The following BCL7B variants were observed in gnomAD, a reference collection of about 807,000 sequenced individuals.
BCL7B encodes the protein BAF chromatin remodeling complex subunit BCL7B, also known as B-cell CLL/lymphoma 7 protein family member B.
BCL7B carries 11 observed loss-of-function variants against 26.5 expected under a neutral mutation model. The ratio of observed to expected loss-of-function variants is 0.42; its 90% CI spans 0.26 to 0.69. BCL7B has a LOEUF of 0.69. Ranked by LOEUF, BCL7B falls within the 30% of genes least tolerant of loss-of-function variation. BCL7B has a pLI of 0.28. For synonymous variants in BCL7B, 111 were observed against 107.9 expected (o/e 1.03, Z -0.18); for missense variants, 215 against 264.4 (o/e 0.81, Z 1.30).
intron 4 of BCL7B, among the ~76,000 whole-genome samples, chr7:73,538,999 C>T (rs1332507337): frequency 2.0e-5 from 3 of 151,930 alleles, no homozygotes; most frequent in Non-Finnish European, 4.4e-5. Flanking sequence ...CTAGCTCTGT[C>T]GCCAGGCTGG....
intron 1 of BCL7B, 58 bp from the exon 2 acceptor site, chr7:73,552,300 C>T (rs1792204756): frequency 7.1e-7 from 1 of 1,413,998 alleles, no homozygotes; most frequent in African/African-American, 1.4e-5. Flanking sequence ...TTCTGTTCAT[C>T]ACTTGTGTTT....
chr7:73,556,593 C>A (rs540627941), intron 1 of BCL7B, among the ~76,000 whole-genome samples: 116 of 152,186 alleles, frequency 7.6e-4, no homozygotes, highest in Middle Eastern at 3.4e-3. Context: ...TATCGGAGTT[C>A]CGGATACTAA....
At chr7:73,543,929 C>T in intron 2 of BCL7B, 1 of 256,720 alleles carries the variant, frequency 3.9e-6, no homozygotes, top group East Asian at 8.8e-5. Flanking sequence ...CTCTCCTGCC[C>T]TGATCAAATT....
chr7:73,557,259 A>G, intron 1 of BCL7B: 2 of 1,116,700 alleles, frequency 1.8e-6, no homozygotes, highest in South Asian at 4.4e-5. Flanking sequence ...GGCGCGCGGC[A>G]GCAGCCGCAG....
intron 3 of BCL7B, among the ~76,000 whole-genome samples, chr7:73,541,686 C>T (rs1198678656): frequency 3.9e-5 from 6 of 152,054 alleles, no homozygotes; most frequent in African/African-American, 1.2e-4. Context: ...AGGCTGGTCT[C>T]GAACTCCTGA....
chr7:73,554,952 C>CTGTG (rs757272332), intron 1 of BCL7B, among the ~76,000 whole-genome samples: 4 of 152,130 alleles, frequency 2.6e-5, no homozygotes, highest in Admixed American at 6.6e-5. Context: ...ATACAACAGG[C>CTGTG]TGTGCTAGGC....
intron 2 of BCL7B, among the ~76,000 whole-genome samples, chr7:73,544,619 C>T (rs1429965062): frequency 6.6e-6 from 1 of 152,012 alleles, no homozygotes; most frequent in Non-Finnish European, 1.5e-5. Context: ...GAGCGAAACT[C>T]CATCTCAAAA....
intron 2 of BCL7B, among the ~76,000 whole-genome samples, chr7:73,549,969 C>T (rs1554583923): frequency 1.3e-5 from 2 of 152,188 alleles, no homozygotes; most frequent in African/African-American, 4.8e-5. Flanking sequence ...GCAGAGAGGT[C>T]TGCTGGGGTC....
intron 2 of BCL7B, among the ~76,000 whole-genome samples, chr7:73,545,603 T>C (rs782421647): frequency 3.3e-5 from 5 of 152,094 alleles, no homozygotes; most frequent in Non-Finnish European, 7.4e-5. Flanking sequence ...CTTTGACCCC[T>C]GTGGGTAATG....
In BCL7B at chr7:73,557,590, G is replaced by T. The variant is rs1792425500; in HGVS notation, c.-12C>A. The T allele has an allele frequency of 3.9e-6, 5 of 1,291,348 alleles. No individual in the cohort carries two copies. The highest frequency in any genetic ancestry group is 5.0e-6 in the Non-Finnish European group (5 of 1,005,726). 80.0% of individuals were successfully genotyped at this position (1,291,348 alleles called of 1,614,324 possible). On this transcript the variant is annotated 5_prime_UTR_variant, in exon 1 of 6. Transcript: ENST00000223368. ...GACCGGCCCGACATGGCGGCGGCGG[G>T]AGCGGCGGGGGCCGGGGCACTGCTC...
intron 2 of BCL7B, chr7:73,543,942 G>A (rs570602460): frequency 3.6e-5 from 8 of 223,110 alleles, no homozygotes; most frequent in East Asian, 3.2e-4. Context: ...ATCAAATTGC[G>A]CCAGGCAACC....
chr7:73,552,721 C>A (rs1792223159), intron 1 of BCL7B, among the ~76,000 whole-genome samples: 1 of 151,228 alleles, frequency 6.6e-6, no homozygotes, highest in Non-Finnish European at 1.5e-5. Flanking sequence ...GCAGAGGTTG[C>A]AGTAAACTGA....
intron 1 of BCL7B, among the ~76,000 whole-genome samples, chr7:73,554,977 G>A (rs1792309251): frequency 6.6e-6 from 1 of 152,050 alleles, no homozygotes; most frequent in African/African-American, 2.4e-5. Flanking sequence ...GTGATGCAGG[G>A]AACAAGATCC....
At chr7:73,546,155 A>G (rs1791949464) in intron 2 of BCL7B, among the ~76,000 whole-genome samples, 1 of 151,138 alleles carries the variant, frequency 6.6e-6, no homozygotes, top group African/African-American at 2.4e-5. Context: ...AAAAAGAAAG[A>G]AAAACTACGG....
chr7:73,554,595 C>T (rs888425035), intron 1 of BCL7B, among the ~76,000 whole-genome samples: 3 of 151,534 alleles, frequency 2.0e-5, no homozygotes, highest in Non-Finnish European at 4.4e-5. Flanking sequence ...CCCAGGAGTT[C>T]GAGACCAGCC....
intron 2 of BCL7B, among the ~76,000 whole-genome samples, 195 bp downstream of exon 2, chr7:73,551,972 T>C (rs1792190144): frequency 6.6e-6 from 1 of 151,646 alleles, no homozygotes; most frequent in South Asian, 2.1e-4. Flanking sequence ...CAGATGCCTG[T>C]AACCCCAGCT....
intron 1 of BCL7B, 144 bp downstream of exon 1, chr7:73,557,343 C>G (rs1362149295): frequency 6.0e-5 from 71 of 1,178,134 alleles, no homozygotes; most frequent in Non-Finnish European, 7.0e-5. Context: ...CTCACGCCGA[C>G]GCCAGCGGCG....
intron 2 of BCL7B, among the ~76,000 whole-genome samples, chr7:73,544,459 T>C (rs1262086799): frequency 7.4e-5 from 11 of 148,214 alleles, no homozygotes; most frequent in Non-Finnish European, 1.5e-4. Context: ...AATAAATAAA[T>C]AAATAAAAAT....
At chr7:73,542,919 A>G in intron 3 of BCL7B, 1 of 431,232 alleles carries the variant, frequency 2.3e-6, no homozygotes, top group Non-Finnish European at 4.6e-6. Context: ...TACAAAAAAT[A>G]AAAAATAAAA....
Sources: gnomAD v4.1 joint callset for allele counts (sites outside exome capture counted in the v4.1 genomes callset) on GRCh38, gnomAD v4.1.1 for gene constraint, MANE v1.5 for transcripts, NCBI Gene and HGNC (gene_info 2026-07-23, HGNC 2026-07-21) for gene names.